Variants in COL24A1 observed in about 807,000 individuals in gnomAD.
COL24A1 encodes collagen type XXIV alpha 1 chain, also known as collagen alpha-1(XXIV) chain.
A neutral mutation model predicts 253.9 loss-of-function variants in COL24A1; 224 were observed. The observed-to-expected ratio is 0.88, with a 90% CI of 0.79 to 0.99. The LOEUF is 0.99. Among genes scored for constraint, COL24A1 ranks in the 50% least tolerant of loss-of-function variants. The probability of loss-of-function intolerance (pLI) is 0.00; values close to 1 mark genes in which losing one functional copy is unlikely to be tolerated. For synonymous variants in COL24A1, 685 were observed against 673.7 expected (o/e 1.02, Z -0.26); for missense variants, 2,131 against 2,068.5 (o/e 1.03, Z -0.59).
intron 12 of COL24A1, 46 bp downstream of exon 12, chr1:86,046,779 G>T: frequency 4.4e-6 from 7 of 1,605,488 alleles, no homozygotes; most frequent in Non-Finnish European, 6.0e-6. Context: ...ACATAACCAG[G>T]TTATATTGCT....
At chr1:85,920,941 C>A (rs201884580) in intron 24 of COL24A1, among the ~76,000 whole-genome samples, 2 of 148,822 alleles carry the variant, frequency 1.3e-5, no homozygotes, top group African/African-American at 5.0e-5. Context: ...AAAAAAAAAA[C>A]AAAAACAAAA....
chr1:85,934,953 A>T (rs978743694), intron 24 of COL24A1, among the ~76,000 whole-genome samples: 1 of 143,900 alleles, frequency 6.9e-6, no homozygotes, highest in African/African-American at 2.8e-5. Context: ...ACACACAATT[A>T]AAAAAAAAAC....
intron 31 of COL24A1, among the ~76,000 whole-genome samples, chr1:85,893,059 G>A (rs1683292149): frequency 6.6e-6 from 1 of 151,984 alleles, no homozygotes. Context: ...CAAATTAAAA[G>A]GCAGAAATTG....
At chr1:85,764,455 T>TACACACACACACACAC (rs71075861) in intron 53 of COL24A1, among the ~76,000 whole-genome samples, 1 of 137,258 alleles carries the variant, frequency 7.3e-6, no homozygotes, top group Non-Finnish European at 1.6e-5. Flanking sequence ...AGGTGGAGGA[T>TACACACACACACACAC]ACACACACAC....
intron 7 of COL24A1, among the ~76,000 whole-genome samples, chr1:86,071,174 G>A (rs958315043): frequency 1.3e-5 from 2 of 152,026 alleles, no homozygotes; most frequent in African/African-American, 4.8e-5. Context: ...GCTGTCATCA[G>A]TTTAAAATAA....
intron 5 of COL24A1, among the ~76,000 whole-genome samples, chr1:86,107,308 C>G (rs1363667976): frequency 1.3e-5 from 2 of 152,078 alleles, no homozygotes; most frequent in East Asian, 1.9e-4. Context: ...TCTCATAGTA[C>G]TTATGATTGG....
intron 43 of COL24A1, among the ~76,000 whole-genome samples, chr1:85,832,066 C>A (rs1254375782): frequency 1.3e-5 from 2 of 151,964 alleles, no homozygotes; most frequent in Non-Finnish European, 2.9e-5. Flanking sequence ...TTAGGTCTAA[C>A]ATGTAAGTCT....
At chr1:86,002,446 G>C (rs1695513632) in intron 19 of COL24A1, among the ~76,000 whole-genome samples, 1 of 152,202 alleles carries the variant, frequency 6.6e-6, no homozygotes, top group African/African-American at 2.4e-5. Flanking sequence ...TTAAGCAAAT[G>C]TAACTTTTTC....
intron 14 of COL24A1, among the ~76,000 whole-genome samples, chr1:86,024,883 A>G (rs1462219652): frequency 6.6e-6 from 1 of 152,178 alleles, no homozygotes; most frequent in Non-Finnish European, 1.5e-5. Flanking sequence ...AGATAAAATA[A>G]TATTCTTAAC....
intron 12 of COL24A1, among the ~76,000 whole-genome samples, chr1:86,037,833 C>T (rs970231851): frequency 8.5e-5 from 13 of 152,064 alleles, no homozygotes; most frequent in Admixed American, 2.6e-4. Flanking sequence ...TATATAATGT[C>T]TTATTTCCAA....
intron 5 of COL24A1, 93 bp from the exon 6 acceptor site, chr1:86,092,413 AT>A: frequency 1.2e-6 from 1 of 828,148 alleles, no homozygotes; most frequent in East Asian, 2.7e-5. Context: ...TGTTATATAC[AT>A]TATATGGTGT....
At chr1:85,817,734 C>T (rs527882203) in intron 46 of COL24A1, among the ~76,000 whole-genome samples, 11 of 152,098 alleles carry the variant, frequency 7.2e-5, no homozygotes, top group East Asian at 3.9e-4. Context: ...CATTTTGTTA[C>T]GATTCTAAGT....
intron 5 of COL24A1, among the ~76,000 whole-genome samples, chr1:86,105,151 G>A (rs779412435): frequency 6.6e-6 from 1 of 152,178 alleles, no homozygotes; most frequent in Non-Finnish European, 1.5e-5. Flanking sequence ...CAGGAGCAGG[G>A]CTGGAAGGCT....
At chr1:85,795,045 ACTG>A (rs1411816467) in intron 47 of COL24A1, among the ~76,000 whole-genome samples, 1 of 152,214 alleles carries the variant, frequency 6.6e-6, no homozygotes, top group Non-Finnish European at 1.5e-5. Flanking sequence ...ATCAACCACA[ACTG>A]CAAGAGTTGC....
chr1:86,117,789 ATTAT>A (rs1706296193), intron 3 of COL24A1, among the ~76,000 whole-genome samples: 1 of 152,198 alleles, frequency 6.6e-6, no homozygotes, highest in Non-Finnish European at 1.5e-5. Flanking sequence ...TAACTTTCAG[ATTAT>A]TTGTTATTAA....
chr1:85,812,699 A>G (rs1289550957), intron 47 of COL24A1, among the ~76,000 whole-genome samples: 1 of 152,260 alleles, frequency 6.6e-6, no homozygotes, highest in African/African-American at 2.4e-5. Flanking sequence ...GATACTTAAC[A>G]GACAGCATCC....
chr1:85,803,796 A>G (rs1360808064), intron 47 of COL24A1, among the ~76,000 whole-genome samples: 1 of 152,194 alleles, frequency 6.6e-6, no homozygotes, highest in East Asian at 1.9e-4. Context: ...GCAAATAAAG[A>G]CAGTTTTACT....
At chr1:85,797,481 A>G (rs1670960578) in intron 47 of COL24A1, among the ~76,000 whole-genome samples, 1 of 152,226 alleles carries the variant, frequency 6.6e-6, no homozygotes, top group Non-Finnish European at 1.5e-5. Flanking sequence ...AGAGCTTTCT[A>G]AGCAGTGGAA....
At chr1:85,810,711 T>A (rs1672443192) in intron 47 of COL24A1, among the ~76,000 whole-genome samples, 1 of 152,102 alleles carries the variant, frequency 6.6e-6, no homozygotes. Context: ...TCTCACTCTT[T>A]GTCTCTCTTG....
Sources: allele counts gnomAD v4.1 joint callset (sites outside exome capture counted in the v4.1 genomes callset), GRCh38; gene constraint gnomAD v4.1.1; transcripts MANE v1.5; gene names NCBI Gene and HGNC (gene_info 2026-07-23, HGNC 2026-07-21).